IPO11: variants seen among roughly 807,000 people sequenced by gnomAD.
IPO11 encodes the protein importin 11, also known as importin-11.
IPO11 carries 66 observed loss-of-function variants against 143.2 expected under a neutral mutation model. That is an observed-to-expected ratio of 0.46 (90% CI 0.38 to 0.57). The LOEUF (loss-of-function observed/expected upper bound fraction) is 0.57. Among genes scored for constraint, IPO11 ranks in the 20% least tolerant of loss-of-function variants. The pLI is 0.00. For missense variants in IPO11, 1,026 were observed against 1,141.0 expected (o/e 0.90, Z 1.45); for synonymous variants, 385 against 377.8 (o/e 1.02, Z -0.22).
At position 62,470,226 on chromosome 5, in the gene IPO11, G is replaced by T. The variant is rs376555130; in HGVS notation, c.650-24G>T. 11 of 1,607,354 alleles carry T rather than the reference G, an allele frequency of 6.8e-6. No individual in the cohort carries two copies. The African/African-American group carries it at 1.2e-4, about 18-fold the overall frequency. On this transcript the variant is annotated intron_variant, in intron 6 of 29. Coordinates refer to ENST00000325324, the MANE Select transcript of IPO11 (RefSeq NM_016338.5). Reference sequence around the variant, plus strand: ...TTTAGTAGGATAAAATAAGATTCAAGTAAAGCTTGCTTTTGCTTTTCAGTG... The same window carrying T: ...TTTAGTAGGATAAAATAAGATTCAATTAAAGCTTGCTTTTGCTTTTCAGTG...
chr5:62,514,223 TG>T (rs1741914567), intron 19 of IPO11, among the ~76,000 whole-genome samples: 1 of 152,004 alleles, frequency 6.6e-6, no homozygotes, highest in Admixed American at 6.5e-5. Context: ...CTCTGCACTT[TG>T]GGGGGCCAAG....
intron 26 of IPO11, among the ~76,000 whole-genome samples, chr5:62,556,960 C>G (rs1248340994): frequency 1.3e-5 from 2 of 152,068 alleles, no homozygotes; most frequent in African/African-American, 4.8e-5. Context: ...AAAACTTCTA[C>G]TTGATGAGGG....
chr5:62,480,876 G>C (rs1329226895), intron 9 of IPO11, among the ~76,000 whole-genome samples: 1 of 147,144 alleles, frequency 6.8e-6, no homozygotes, highest in African/African-American at 2.5e-5. Context: ...CATGTCATCT[G>C]CAAACAGGGA....
chr5:62,566,233 A>C (rs566081683), intron 27 of IPO11, among the ~76,000 whole-genome samples: 2 of 152,160 alleles, frequency 1.3e-5, no homozygotes, highest in African/African-American at 4.8e-5. Context: ...GAACTAATTT[A>C]CATTCTCACC....
intron 22 of IPO11, among the ~76,000 whole-genome samples, chr5:62,535,189 G>A (rs1561352564): frequency 2.0e-5 from 3 of 151,764 alleles, no homozygotes; most frequent in Admixed American, 6.6e-5. Flanking sequence ...AGGAAGAGAC[G>A]GGCTCTTTTC....
chr5:62,554,796 A>T (rs1041243253), intron 26 of IPO11, among the ~76,000 whole-genome samples: 3 of 151,960 alleles, frequency 2.0e-5, no homozygotes, highest in Admixed American at 2.0e-4. Context: ...GCTCACTGCA[A>T]CCTCTGCTTC....
At chr5:62,428,197 C>G (rs2112110456) in intron 1 of IPO11, among the ~76,000 whole-genome samples, 1 of 151,834 alleles carries the variant, frequency 6.6e-6, no homozygotes, top group East Asian at 1.9e-4. Context: ...AAACCGTAGA[C>G]ACTTTTTTTT....
chr5:62,580,722 T>A lies in IPO11; in HGVS notation c.2583-10855T>A, dbSNP rs1046786103. On this transcript the variant is annotated intron_variant, in intron 27 of 29. Coordinates refer to ENST00000325324, the MANE Select transcript of IPO11 (RefSeq NM_016338.5). ...CTCCTCATATTCATCACAAGACTAC[T>A]GCGCTAATGATGGCCTGGCATAAAG... 15 of 1,551,356 alleles carry A rather than the reference T, an allele frequency of 9.7e-6. No homozygotes were observed. The Admixed American group carries it at 2.0e-4, about 20-fold the overall frequency.
At chr5:62,536,346 G>A (rs1389690426) in intron 22 of IPO11, among the ~76,000 whole-genome samples, 1 of 151,998 alleles carries the variant, frequency 6.6e-6, no homozygotes, top group African/African-American at 2.4e-5. Context: ...GGGGAGCTTG[G>A]CTTTTTTCTG....
rs1580314263 is a variant in IPO11 at position 62,550,227 on chromosome 5, A to G, written c.2251-140A>G. 7 of 562,648 alleles carry G rather than the reference A, an allele frequency of 1.2e-5. No individual in the cohort carries two copies. In the East Asian group the frequency reaches 1.7e-4, roughly 14 times the overall value. 34.9% of individuals were successfully genotyped at this position (562,648 alleles called of 1,614,324 possible). On this transcript the variant is annotated intron_variant, in intron 24 of 29. Coordinates refer to ENST00000325324, the MANE Select transcript of IPO11 (RefSeq NM_016338.5). ...CTTGTAAAAGTGTGTCTAGTGTCAG[A>G]ATATTGCATACCCTGCATACGTGTA... is the stretch of plus-strand genomic sequence containing the variant.
chr5:62,596,096 T>TA lies in IPO11; in HGVS notation c.2678+4440dup, dbSNP rs34184081. On this transcript the variant is annotated intron_variant, in intron 28 of 29. Transcript: ENST00000325324. Reference sequence around the variant, plus strand: ...CAACATAGTGAGACCCTGTCTCTATTAAAAAAAAAAAAAAAATTGAAAATC... The same window carrying TA: ...CAACATAGTGAGACCCTGTCTCTATTAAAAAAAAAAAAAAAAATTGAAAATC... Among the ~76,000 whole-genome samples, 578 of 140,644 alleles carry TA rather than the reference T, an allele frequency of 4.1e-3. 1 individual carries two copies. The highest frequency in any genetic ancestry group is 0.012 in the African/African-American group (448 of 37,774). The allele number at this position is 140,644 out of a possible 152,430, so 92.3% of individuals were successfully genotyped here. A position where few individuals can be genotyped will look rare whatever the true frequency, so the allele number is the denominator to read the frequency against.
intron 9 of IPO11, among the ~76,000 whole-genome samples, chr5:62,478,508 T>C (rs934702444): frequency 6.6e-6 from 1 of 152,158 alleles, no homozygotes; most frequent in Non-Finnish European, 1.5e-5. Flanking sequence ...CAATTTTATA[T>C]TTAAAAAATA....
In IPO11 at chr5:62,580,292, A is replaced by G. The variant is rs890004172; in HGVS notation, c.2583-11285A>G. 141 of 1,537,968 alleles carry G rather than the reference A, an allele frequency of 9.2e-5. No homozygotes were observed. Among genetic ancestry groups the G allele is most frequent in the Non-Finnish European group, 1.2e-4 (135 of 1,134,776 alleles). ...AATCTTAAACATTTGATCTTAAGTC[A>G]TAATGATTTAGAGAATTTAAATTCT... On this transcript the variant is annotated intron_variant, in intron 27 of 29. Coordinates refer to ENST00000325324, the MANE Select transcript of IPO11 (RefSeq NM_016338.5).
chr5:62,444,012 C>A lies in IPO11; in HGVS notation c.239+929C>A, dbSNP rs182851620. Among the ~76,000 whole-genome samples the A allele has an allele frequency of 2.1e-4, 32 of 152,208 alleles. No homozygotes were observed. The East Asian group carries it at 5.8e-3, about 28-fold the overall frequency. On this transcript the variant is annotated intron_variant, in intron 3 of 29. Transcript: ENST00000325324. ...ACTTCAAAATGCATATAAAACATGT[C>A]CTTGAATAATATTGGAAACAACAAG...
At chr5:62,574,860 C>T (rs892654949) in intron 27 of IPO11, among the ~76,000 whole-genome samples, 1 of 152,132 alleles carries the variant, frequency 6.6e-6, no homozygotes, top group Non-Finnish European at 1.5e-5. Context: ...GTCCTAGTGT[C>T]AGTACATCCT....
At chr5:62,612,769 G>A (rs967356959) in intron 29 of IPO11, among the ~76,000 whole-genome samples, 12 of 152,180 alleles carry the variant, frequency 7.9e-5, no homozygotes, top group Admixed American at 4.6e-4. Context: ...ACTTTTAAAT[G>A]TAAAAATATT....
chr5:62,588,670 AC>A (rs1477210153), intron 27 of IPO11, among the ~76,000 whole-genome samples: 2 of 151,900 alleles, frequency 1.3e-5, no homozygotes, highest in Non-Finnish European at 2.9e-5. Context: ...AGCTCTTTAA[AC>A]CCCGCATCCT....
At chr5:62,429,064 G>A (rs895882401) in intron 1 of IPO11, among the ~76,000 whole-genome samples, 1 of 152,106 alleles carries the variant, frequency 6.6e-6, no homozygotes, top group East Asian at 1.9e-4. Context: ...CACTGAAAAG[G>A]GTATACAATT....
intron 9 of IPO11, among the ~76,000 whole-genome samples, chr5:62,480,726 TTGGC>T (rs1468959562): frequency 1.2e-4 from 19 of 152,018 alleles, no homozygotes; most frequent in African/African-American, 4.3e-4. Context: ...CACTTATGAT[TTGGC>T]TGTTTGTCTA....
Sources: gnomAD v4.1 joint callset for allele counts (sites outside exome capture counted in the v4.1 genomes callset) on GRCh38, gnomAD v4.1.1 for gene constraint, MANE v1.5 for transcripts, NCBI Gene and HGNC (gene_info 2026-07-23, HGNC 2026-07-21) for gene names.